MCTP1: variants seen among roughly 807,000 people sequenced by gnomAD.
MCTP1 encodes the protein multiple C2 and transmembrane domain containing 1, also known as multiple C2 and transmembrane domain-containing protein 1.
MCTP1 carries 69 observed loss-of-function variants against 120.6 expected under a neutral mutation model. The observed-to-expected ratio is 0.57, with a 90% CI of 0.47 to 0.70. MCTP1 has a LOEUF of 0.70. MCTP1 is among the 30% of genes least tolerant of loss of function. The pLI, the probability that MCTP1 is intolerant of heterozygous loss-of-function variation, is 0.00. For missense variants in MCTP1, 1,203 were observed against 1,248.8 expected (o/e 0.96, Z 0.55); for synonymous variants, 529 against 493.1 (o/e 1.07, Z -0.96).
intron 17 of MCTP1, among the ~76,000 whole-genome samples, chr5:94,820,305 C>T (rs1403616209): frequency 1.3e-5 from 2 of 152,180 alleles, no homozygotes; most frequent in Non-Finnish European, 1.5e-5. Context: ...TTACAGTTAA[C>T]CACTCTGAAC....
chr5:95,061,757 T>C lies in MCTP1; in HGVS notation c.721-44273A>G, dbSNP rs76955421. ...GCCAAGGGTTGTTTTTAATAACTAATATTTATTATGTCTTTGTGGAAGGCA... is the reference window on the plus strand; with the variant it reads ...GCCAAGGGTTGTTTTTAATAACTAACATTTATTATGTCTTTGTGGAAGGCA... On this transcript the variant is annotated intron_variant, in intron 1 of 22. Coordinates refer to ENST00000515393, the MANE Select transcript of MCTP1 (RefSeq NM_024717.7). Among the ~76,000 whole-genome samples, 273 of 152,260 alleles carry C rather than the reference T, an allele frequency of 1.8e-3. 4 individuals carry two copies. In the East Asian group the frequency reaches 0.052, roughly 29 times the overall value.
At chr5:95,244,921 G>T (rs907118927) in intron 1 of MCTP1, among the ~76,000 whole-genome samples, 1 of 152,148 alleles carries the variant, frequency 6.6e-6, no homozygotes, top group Non-Finnish European at 1.5e-5. Context: ...CTCCCAGTAG[G>T]GGCTGACAGA....
At chr5:95,070,972 T>C (rs1751995483) in intron 1 of MCTP1, among the ~76,000 whole-genome samples, 1 of 151,936 alleles carries the variant, frequency 6.6e-6, no homozygotes. Flanking sequence ...TCCGTGGGAT[T>C]AGGGTACCAT....
At chr5:94,998,554 C>G (rs149280488) in intron 2 of MCTP1, among the ~76,000 whole-genome samples, 21 of 152,300 alleles carry the variant, frequency 1.4e-4, no homozygotes, top group Admixed American at 1.1e-3. Context: ...AGCAAACAGT[C>G]CAGTGGCTCT....
At chr5:95,168,705 T>C (rs1416763541) in intron 1 of MCTP1, among the ~76,000 whole-genome samples, 1 of 152,240 alleles carries the variant, frequency 6.6e-6, no homozygotes, top group African/African-American at 2.4e-5. Context: ...TGTTTGTCTG[T>C]TATTGGCATA....
intron 1 of MCTP1, among the ~76,000 whole-genome samples, chr5:95,139,258 G>GA (rs1467637774): frequency 1.3e-5 from 2 of 152,174 alleles, no homozygotes; most frequent in African/African-American, 4.8e-5. Context: ...AAATAGAGCT[G>GA]AATTATATTA....
chr5:95,024,128 T>C (rs1025454225), intron 1 of MCTP1: 1 of 436,672 alleles, frequency 2.3e-6, no homozygotes, highest in Non-Finnish European at 4.6e-6. Flanking sequence ...CTATTTTTGC[T>C]TTTGTTGCCT....
rs1164813341 is a variant in MCTP1 at position 94,970,988 on chromosome 5, T to G, written c.839-17627A>C. Among the ~76,000 whole-genome samples, 4 of 152,206 alleles carry G rather than the reference T, an allele frequency of 2.6e-5. No individual in the cohort carries two copies. The East Asian group carries it at 7.7e-4, about 29-fold the overall frequency. ...TTTCATCTGTGGGTCACACTGGGTA[T>G]TATTAATTGCAATGATTCTGGGATT... On this transcript the variant is annotated intron_variant, in intron 2 of 22. Transcript: ENST00000515393.
chr5:94,885,482 G>C (rs1237825425), intron 12 of MCTP1, among the ~76,000 whole-genome samples: 1 of 152,124 alleles, frequency 6.6e-6, no homozygotes, highest in East Asian at 1.9e-4. Flanking sequence ...GGAATGTTCT[G>C]TTGAGGCAAA....
chr5:95,040,266 T>C (rs1842110717), intron 1 of MCTP1, among the ~76,000 whole-genome samples: 1 of 151,974 alleles, frequency 6.6e-6, no homozygotes, highest in Admixed American at 6.6e-5. Context: ...TGAAACCCTG[T>C]CTCTACTAAA....
intron 1 of MCTP1, among the ~76,000 whole-genome samples, chr5:95,054,530 C>G (rs1191221357): frequency 6.6e-6 from 1 of 152,156 alleles, no homozygotes; most frequent in African/African-American, 2.4e-5. Context: ...GATGCTAGAA[C>G]CCACAGTGGT....
At chr5:94,938,252 G>A (rs557094376) in intron 5 of MCTP1, among the ~76,000 whole-genome samples, 1 of 152,154 alleles carries the variant, frequency 6.6e-6, no homozygotes, top group East Asian at 1.9e-4. Flanking sequence ...GTGTTTTGGG[G>A]AAAGACCCAA....
intron 2 of MCTP1, among the ~76,000 whole-genome samples, chr5:95,015,650 G>A (rs115922136): frequency 0.012 from 1,845 of 151,834 alleles, 14 homozygotes; most frequent in Middle Eastern, 0.027. Context: ...TTTGTACTTC[G>A]CTTATGTGAA....
chr5:95,198,978 A>T (rs887189326), intron 1 of MCTP1, among the ~76,000 whole-genome samples: 1 of 152,218 alleles, frequency 6.6e-6, no homozygotes, highest in Non-Finnish European at 1.5e-5. Context: ...AATCTCCAAA[A>T]GCAAATTAAG....
At chr5:94,752,583 G>A (rs1250682373) in intron 19 of MCTP1, among the ~76,000 whole-genome samples, 6 of 152,062 alleles carry the variant, frequency 3.9e-5, no homozygotes, top group African/African-American at 1.4e-4. Flanking sequence ...TAAAGAATTT[G>A]TGTTTTAACT....
chr5:94,970,763 A>T (rs1826654219), intron 2 of MCTP1, among the ~76,000 whole-genome samples: 1 of 152,068 alleles, frequency 6.6e-6, no homozygotes, highest in South Asian at 2.1e-4. Flanking sequence ...AAAAAATTAA[A>T]CGTTTTTTAA....
At chr5:94,908,568 T>G (rs1376164156) in intron 10 of MCTP1, among the ~76,000 whole-genome samples, 2 of 152,012 alleles carry the variant, frequency 1.3e-5, no homozygotes, top group Non-Finnish European at 2.9e-5. Context: ...ACACCACACT[T>G]TATTTCAATA....
intron 1 of MCTP1, among the ~76,000 whole-genome samples, chr5:95,196,456 T>C (rs1307127707): frequency 6.6e-6 from 1 of 152,170 alleles, no homozygotes; most frequent in Non-Finnish European, 1.5e-5. Flanking sequence ...ACAGATCTGC[T>C]TGAAGCCAAT....
chr5:94,923,984 G>A lies in MCTP1; in HGVS notation c.1250C>T (p.Ser417Phe), dbSNP rs1316747303. Reference protein sequence around the residue: ...SENEVVGSYFSVKSLFWRTCG... With the variant: ...SENEVVGSYFFVKSLFWRTCG... The stretch of plus-strand genomic sequence containing the variant: ...TACCCTCCAAAAGAGAGACTTCACA[G>A]AGAAATAAGATCCAACCACTTCATT... The change falls in exon 7 of 23, where the codon TCT becomes TTT. Residue 417 changes from serine (S) to phenylalanine (F), a missense_variant. Physicochemically the swap from Ser to Phe is radical, Grantham distance 155. This residue lies in a region of MCTP1 where 740 missense variants were observed against 871.1 expected (regional missense o/e 0.85). Transcript: ENST00000515393. 1 of 1,523,854 alleles carries A rather than the reference G, an allele frequency of 6.6e-7. No individual in the cohort carries two copies. The highest frequency in any genetic ancestry group is 8.8e-7 in the Non-Finnish European group (1 of 1,141,182). 94.4% of individuals were successfully genotyped at this position (1,523,854 alleles called of 1,614,324 possible). A position where few individuals can be genotyped will look rare whatever the true frequency, so the allele number is the denominator to read the frequency against.
Sources: gnomAD v4.1 joint callset for allele counts (sites outside exome capture counted in the v4.1 genomes callset) on GRCh38, gnomAD v4.1.1 for gene constraint, gnomAD v4.1.1 regional missense constraint, MANE v1.5 for transcripts, NCBI Gene and HGNC (gene_info 2026-07-23, HGNC 2026-07-21) for gene names.